SMYD3: variants seen among roughly 807,000 people sequenced by gnomAD.
The protein encoded by SMYD3 is SET and MYND domain containing 3.
SMYD3 carries 36 observed loss-of-function variants against 57.7 expected under a neutral mutation model. The ratio of observed to expected loss-of-function variants is 0.62; its 90% confidence interval spans 0.48 to 0.82. The LOEUF (loss-of-function observed/expected upper bound fraction) is 0.82. Among genes scored for constraint, SMYD3 ranks in the 40% least tolerant of loss-of-function variants. SMYD3 has a pLI of 0.00. For synonymous variants in SMYD3, 211 were observed against 195.0 expected (o/e 1.08, Z -0.68); for missense variants, 515 against 538.8 (o/e 0.96, Z 0.44).
chr1:246,160,728 C>T (rs760224533), intron 5 of SMYD3, among the ~76,000 whole-genome samples: 1 of 152,172 alleles, frequency 6.6e-6, no homozygotes, highest in African/African-American at 2.4e-5. Context: ...TCCCAAATTC[C>T]TGACACAGAG....
At chr1:246,071,653 A>C (rs2060446057) in intron 5 of SMYD3, among the ~76,000 whole-genome samples, 1 of 152,190 alleles carries the variant, frequency 6.6e-6, no homozygotes, top group Non-Finnish European at 1.5e-5. Flanking sequence ...CTGAAGTCGA[A>C]ATCTCTGAAA....
chr1:246,183,987 T>C (rs924311186), intron 5 of SMYD3, among the ~76,000 whole-genome samples: 1 of 152,058 alleles, frequency 6.6e-6, no homozygotes, highest in Admixed American at 6.5e-5. Context: ...AGAAAAGACA[T>C]TAGGCATGGA....
intron 1 of SMYD3, among the ~76,000 whole-genome samples, chr1:246,408,663 C>CTTTTT (rs5782392): frequency 7.8e-4 from 51 of 65,482 alleles, no homozygotes; most frequent in South Asian, 1.4e-3. Flanking sequence ...AGAAGCAAGT[C>CTTTTT]TTTTTTTTTT....
At chr1:245,885,049 C>T (rs1282174506) in intron 8 of SMYD3, among the ~76,000 whole-genome samples, 1 of 152,094 alleles carries the variant, frequency 6.6e-6, no homozygotes, top group African/African-American at 2.4e-5. Flanking sequence ...CGGCTTCACT[C>T]CTGAAGTCAG....
chr1:246,448,727 A>AAAG (rs1553349858), intron 1 of SMYD3, among the ~76,000 whole-genome samples: 118 of 151,092 alleles, frequency 7.8e-4, no homozygotes, highest in African/African-American at 2.7e-3. Context: ...AAAAAAAAAA[A>AAAG]AGGACAAAAT....
At chr1:246,347,458 T>C (rs1464029322) in intron 2 of SMYD3, among the ~76,000 whole-genome samples, 1 of 152,212 alleles carries the variant, frequency 6.6e-6, no homozygotes, top group East Asian at 1.9e-4. Flanking sequence ...AAGATAAGTA[T>C]ATGTCTGTTT....
At chr1:246,407,313 C>T (rs1262374842) in intron 1 of SMYD3, among the ~76,000 whole-genome samples, 1 of 152,198 alleles carries the variant, frequency 6.6e-6, no homozygotes, top group East Asian at 1.9e-4. Context: ...GAAACTGGTA[C>T]TTTTGTCTTC....
chr1:245,985,865 T>C (rs2148090504), intron 5 of SMYD3, among the ~76,000 whole-genome samples: 1 of 152,302 alleles, frequency 6.6e-6, no homozygotes, highest in South Asian at 2.1e-4. Flanking sequence ...TTGGACTCCT[T>C]TCTGGCTCTC....
At chr1:246,007,035 C>G (rs1451645357) in intron 5 of SMYD3, among the ~76,000 whole-genome samples, 1 of 152,162 alleles carries the variant, frequency 6.6e-6, no homozygotes, top group Non-Finnish European at 1.5e-5. Context: ...GGGGCTTCCT[C>G]TCCTGGGCCA....
intron 5 of SMYD3, among the ~76,000 whole-genome samples, chr1:246,103,368 G>A (rs1260383202): frequency 1.3e-5 from 2 of 151,504 alleles, no homozygotes; most frequent in Non-Finnish European, 2.9e-5. Flanking sequence ...TCTCCTCTTG[G>A]ATGCAAAAAT....
intron 5 of SMYD3, among the ~76,000 whole-genome samples, chr1:246,228,266 G>A (rs1016776202): frequency 1.3e-5 from 2 of 151,968 alleles, no homozygotes; most frequent in African/African-American, 2.4e-5. Flanking sequence ...CACTGCGCCC[G>A]GCCTCACATT....
intron 6 of SMYD3, among the ~76,000 whole-genome samples, chr1:245,928,484 C>A (rs753083987): frequency 2.7e-5 from 4 of 149,170 alleles, no homozygotes; most frequent in Non-Finnish European, 5.9e-5. Context: ...CCAGCCTGAT[C>A]AGCATGGTGA....
At chr1:246,012,184 A>G (rs1159872218) in intron 5 of SMYD3, among the ~76,000 whole-genome samples, 3 of 152,224 alleles carry the variant, frequency 2.0e-5, no homozygotes. Flanking sequence ...GGGAAAAACT[A>G]CACAAAATAG....
At chr1:246,483,091 A>G (rs1026167278) in intron 1 of SMYD3, among the ~76,000 whole-genome samples, 2 of 152,206 alleles carry the variant, frequency 1.3e-5, no homozygotes, top group East Asian at 3.8e-4. Flanking sequence ...ACTGTTCATA[A>G]CAACAAAACT....
At chr1:246,216,378 C>T (rs10802353) in intron 5 of SMYD3, among the ~76,000 whole-genome samples, 16,432 of 151,572 alleles carry the variant, frequency 0.11, 1,005 homozygotes, top group East Asian at 0.21. Flanking sequence ...CCCCAACAAC[C>T]CAGATAGACG....
At chr1:246,046,370 C>T (rs2059964245) in intron 5 of SMYD3, among the ~76,000 whole-genome samples, 2 of 151,970 alleles carry the variant, frequency 1.3e-5, no homozygotes, top group African/African-American at 4.8e-5. Context: ...CAAACTATCG[C>T]AAGGACAGAA....
Position 245,957,043 on chromosome 1 carries a change from A to G in SMYD3, c.532-27106T>C, listed in dbSNP as rs552978130. Among the ~76,000 whole-genome samples the G allele has an allele frequency of 1.1e-4, 17 of 152,344 alleles. No homozygotes were observed. In the South Asian group the frequency reaches 3.5e-3, roughly 32 times the overall value. On this transcript the variant is annotated intron_variant, in intron 5 of 11. Transcript: ENST00000490107. ...AGGCTAACACTGCCAGTGAAGATGC[A>G]ATGTAAGACAAATTATACCAAACCA...
At chr1:245,940,502 A>G (rs1468001798) in intron 5 of SMYD3, among the ~76,000 whole-genome samples, 3 of 152,188 alleles carry the variant, frequency 2.0e-5, no homozygotes, top group Non-Finnish European at 4.4e-5. Context: ...ACCCAGGTGA[A>G]TACGGTCTGG....
intron 1 of SMYD3, among the ~76,000 whole-genome samples, chr1:246,416,098 T>C (rs1431236955): frequency 6.6e-6 from 1 of 152,192 alleles, no homozygotes; most frequent in Non-Finnish European, 1.5e-5. Flanking sequence ...ACAAATAAAT[T>C]TTTTGAGAAA....
Sources: allele counts gnomAD v4.1 joint callset (sites outside exome capture counted in the v4.1 genomes callset), GRCh38; gene constraint gnomAD v4.1.1; transcripts MANE v1.5; gene names NCBI Gene and HGNC (gene_info 2026-07-23, HGNC 2026-07-21).